Variants in DOCK4 observed in about 807,000 individuals in gnomAD.
The protein encoded by DOCK4 is dedicator of cytokinesis protein 4.
A neutral mutation model predicts 268.1 loss-of-function variants in DOCK4; 97 were observed. The observed-to-expected ratio is 0.36, with a 90% CI of 0.31 to 0.43. The LOEUF (loss-of-function observed/expected upper bound fraction) is 0.43, where lower values mean the gene tolerates loss of function less well. Among genes scored for constraint, DOCK4 ranks in the 20% least tolerant of loss-of-function variants. The pLI is 1.00. For synonymous variants in DOCK4, 954 were observed against 887.2 expected, an observed-to-expected ratio of 1.08 and a Z score of -1.34; for missense variants, 2,145 against 2,455.7, an observed-to-expected ratio of 0.87 and a Z score of 2.67.
intron 1 of DOCK4, among the ~76,000 whole-genome samples, chr7:112,059,134 C>CTTTTTTTTTT (rs572050793): frequency 8.1e-5 from 8 of 98,978 alleles, no homozygotes; most frequent in African/African-American, 3.0e-4. Flanking sequence ...GCAGCATTTC[C>CTTTTTTTTTT]TTTTTTTTTT....
chr7:111,794,760 GA>G, intron 30 of DOCK4, among the ~76,000 whole-genome samples: 1 of 152,306 alleles, frequency 6.6e-6, no homozygotes, highest in East Asian at 1.9e-4. Flanking sequence ...AAAATCCTGG[GA>G]AGTTAGGCAA....
chr7:111,863,210 T>G (rs1386125590), intron 23 of DOCK4, 162 bp downstream of exon 23: 1 of 694,028 alleles, frequency 1.4e-6, no homozygotes, highest in Admixed American at 2.8e-5. Flanking sequence ...ATTGCCATAC[T>G]TTTGTATTTG....
At chr7:112,119,015 G>T (rs542650570) in intron 1 of DOCK4, among the ~76,000 whole-genome samples, 1 of 152,226 alleles carries the variant, frequency 6.6e-6, no homozygotes, top group South Asian at 2.1e-4. Flanking sequence ...GAAAAAATGG[G>T]GCAGGGATGG....
At chr7:111,891,922 T>A (rs1223778652) in intron 16 of DOCK4, among the ~76,000 whole-genome samples, 1 of 111,470 alleles carries the variant, frequency 9.0e-6, no homozygotes. Flanking sequence ...TTGTGATAAC[T>A]CTTGGTCAGT....
chr7:111,897,237 G>T (rs757853944), intron 15 of DOCK4, among the ~76,000 whole-genome samples: 4 of 151,472 alleles, frequency 2.6e-5, no homozygotes, highest in Non-Finnish European at 5.9e-5. Context: ...CAAATTATTC[G>T]TCCTCATCTT....
chr7:111,787,911 T>C (rs990552994), intron 32 of DOCK4, among the ~76,000 whole-genome samples: 1 of 152,232 alleles, frequency 6.6e-6, no homozygotes, highest in Non-Finnish European at 1.5e-5. Flanking sequence ...CTAAGATCCA[T>C]AGGAAGCTGT....
intron 12 of DOCK4, among the ~76,000 whole-genome samples, chr7:111,919,166 C>G (rs753177808): frequency 6.6e-6 from 1 of 151,746 alleles, no homozygotes; most frequent in African/African-American, 2.4e-5. Flanking sequence ...AAAACATAAG[C>G]TGAATACTGT....
intron 16 of DOCK4, among the ~76,000 whole-genome samples, chr7:111,887,848 GAGGGGC>G (rs1562847934): frequency 6.6e-6 from 1 of 152,028 alleles, no homozygotes; most frequent in Non-Finnish European, 1.5e-5. Context: ...AGGACATTGG[GAGGGGC>G]AGGGTCCCAG....
intron 13 of DOCK4, among the ~76,000 whole-genome samples, chr7:111,910,705 C>T (rs1437656870): frequency 6.6e-6 from 1 of 152,194 alleles, no homozygotes; most frequent in African/African-American, 2.4e-5. Context: ...ATTTGCTGCT[C>T]TCCCTCCCTC....
intron 16 of DOCK4, among the ~76,000 whole-genome samples, chr7:111,889,992 C>T (rs920445988): frequency 6.6e-6 from 1 of 152,182 alleles, no homozygotes; most frequent in Admixed American, 6.5e-5. Flanking sequence ...TTCTCCAAGG[C>T]AGACGGTATT....
intron 23 of DOCK4, chr7:111,863,060 A>T: frequency 3.5e-6 from 1 of 285,616 alleles, no homozygotes; most frequent in Non-Finnish European, 6.7e-6. Flanking sequence ...AAATTGATGA[A>T]AAACTTTTAA....
At chr7:112,179,185 G>A (rs1039538873) in intron 1 of DOCK4, among the ~76,000 whole-genome samples, 8 of 152,062 alleles carry the variant, frequency 5.3e-5, no homozygotes, top group South Asian at 4.1e-4. Context: ...CCAGGAGCTC[G>A]GGACCAGCCT....
At chr7:112,000,750 A>C (rs1554408243) in intron 2 of DOCK4, among the ~76,000 whole-genome samples, 3 of 152,234 alleles carry the variant, frequency 2.0e-5, no homozygotes, top group Non-Finnish European at 4.4e-5. Flanking sequence ...CTGTATCAAA[A>C]ATTTTTATAA....
Position 111,746,516 on chromosome 7 carries a change from C to T in DOCK4, c.4594-99G>A. 7 of 893,586 alleles carry T rather than the reference C, an allele frequency of 7.8e-6. No homozygotes were observed. The South Asian group carries it at 1.1e-4, about 14-fold the overall frequency. The allele number at this position is 893,586 out of a possible 1,614,324, so 55.4% of individuals were successfully genotyped here. ...CCTGGCATCTTTATGGAAATGACACCATTACAAACCACATTTTGGGACAGA... is the reference window on the plus strand; with the variant it reads ...CCTGGCATCTTTATGGAAATGACACTATTACAAACCACATTTTGGGACAGA... On this transcript the variant is annotated intron_variant, in intron 43 of 52. Transcript: ENST00000428084.
At chr7:111,977,471 T>C (rs796838087) in intron 7 of DOCK4, among the ~76,000 whole-genome samples, 188 bp from the exon 8 acceptor site, 4 of 152,334 alleles carry the variant, frequency 2.6e-5, no homozygotes, top group African/African-American at 9.6e-5. Context: ...GACATAGAAA[T>C]AGTCTGGAAG....
At chr7:111,909,953 C>A (rs1486643411) in intron 13 of DOCK4, among the ~76,000 whole-genome samples, 5 of 149,852 alleles carry the variant, frequency 3.3e-5, no homozygotes, top group African/African-American at 9.9e-5. Flanking sequence ...CAGATGGAGA[C>A]CCTGTTTAAA....
intron 8 of DOCK4, 105 bp downstream of exon 8, chr7:111,977,027 G>A: frequency 7.6e-7 from 1 of 1,320,936 alleles, no homozygotes; most frequent in Non-Finnish European, 1.0e-6. Context: ...AATTGAAGCT[G>A]ACGGAGTAAA....
At chr7:112,180,242 C>T (rs1251140324) in intron 1 of DOCK4, among the ~76,000 whole-genome samples, 1 of 152,140 alleles carries the variant, frequency 6.6e-6, no homozygotes, top group East Asian at 1.9e-4. Context: ...AACCCAGAAA[C>T]CCCCGGCAGA....
intron 41 of DOCK4, among the ~76,000 whole-genome samples, chr7:111,756,880 G>A (rs867329849): frequency 6.6e-6 from 1 of 152,076 alleles, no homozygotes. Flanking sequence ...AGATGAATAA[G>A]AGCTCAGAGT....
Sources: allele counts gnomAD v4.1 joint callset (sites outside exome capture counted in the v4.1 genomes callset), GRCh38; gene constraint gnomAD v4.1.1; transcripts MANE v1.5; gene names NCBI Gene and HGNC (gene_info 2026-07-23, HGNC 2026-07-21).